TPST1: variants seen among roughly 807,000 people sequenced by gnomAD.
TPST1 encodes protein-tyrosine sulfotransferase 1.
In TPST1, 20 loss-of-function variants were observed where a neutral mutation model predicts 34.8. The observed-to-expected ratio is 0.57, with a 90% CI of 0.40 to 0.84. The LOEUF (loss-of-function observed/expected upper bound fraction) is 0.84. TPST1 is among the 40% of genes least tolerant of loss of function. TPST1 has a pLI of 0.00. For missense variants in TPST1, 353 were observed against 455.5 expected (o/e 0.78, Z 2.05); for synonymous variants, 152 against 159.4 (o/e 0.95, Z 0.35).
chr7:66,293,066 C>T (rs1403767221), intron 3 of TPST1, among the ~76,000 whole-genome samples: 4 of 151,912 alleles, frequency 2.6e-5, no homozygotes, highest in South Asian at 4.2e-4. Context: ...ATTAGCCAGG[C>T]GTGGTGGTGG....
At chr7:66,324,532 T>G (rs1791821313) in intron 3 of TPST1, among the ~76,000 whole-genome samples, 1 of 151,950 alleles carries the variant, frequency 6.6e-6, no homozygotes, top group African/African-American at 2.4e-5. Flanking sequence ...TTCGGCTGGG[T>G]GCAGTGGCTC....
At position 66,330,451 on chromosome 7, in the gene TPST1, G is replaced by C. The variant is rs576125626; in HGVS notation, c.1045-22054G>C. Among the ~76,000 whole-genome samples, 9 of 152,208 alleles carry C rather than the reference G, an allele frequency of 5.9e-5. No individual in the cohort carries two copies. In the East Asian group the frequency reaches 1.7e-3, roughly 29 times the overall value. On this transcript the variant is annotated intron_variant, in intron 3 of 5. Transcript: ENST00000304842. ...AAACCATCTTTCCCTCAATTTCTCT[G>C]TCCTCTTACATCTTATTGTAAACAC...
intron 3 of TPST1, among the ~76,000 whole-genome samples, chr7:66,309,299 A>C (rs1172490733): frequency 6.6e-6 from 1 of 152,236 alleles, no homozygotes. Flanking sequence ...CCAGGTGAGG[A>C]AATTGTTAGA....
In TPST1 at chr7:66,209,364, G is replaced by T. The variant is rs117660432; in HGVS notation, c.-102+3842G>T. ...GCATAATGAGCAATGAGGCTGGGAA[G>T]GTATATGGGAGCCGCTCATGAATGA... is the stretch of plus-strand genomic sequence containing the variant. On this transcript the variant is annotated intron_variant, in intron 1 of 5. Transcript: ENST00000304842. Among the ~76,000 whole-genome samples, 185 of 152,328 alleles carry T rather than the reference G, an allele frequency of 1.2e-3. 5 individuals carry two copies. The East Asian group carries it at 0.032, about 26-fold the overall frequency.
intron 3 of TPST1, among the ~76,000 whole-genome samples, chr7:66,303,321 A>C (rs185982325): frequency 6.6e-6 from 1 of 152,018 alleles, no homozygotes; most frequent in Non-Finnish European, 1.5e-5. Context: ...AAAAGTAATG[A>C]TATGGGAGCA....
intron 2 of TPST1, among the ~76,000 whole-genome samples, chr7:66,258,784 C>T (rs903018465): frequency 2.0e-5 from 3 of 152,140 alleles, no homozygotes; most frequent in African/African-American, 7.2e-5. Flanking sequence ...GTGGTCTTTC[C>T]CAATTATTTT....
At chr7:66,252,786 C>A (rs1029189838) in intron 2 of TPST1, among the ~76,000 whole-genome samples, 4 of 151,962 alleles carry the variant, frequency 2.6e-5, no homozygotes, top group African/African-American at 9.7e-5. Context: ...TAAAAAAATT[C>A]TTCCATACTC....
chr7:66,305,870 A>C (rs570476842), intron 3 of TPST1, among the ~76,000 whole-genome samples: 1 of 152,346 alleles, frequency 6.6e-6, no homozygotes, highest in South Asian at 2.1e-4. Flanking sequence ...CATTTCACTT[A>C]AGTTGTCAAA....
At position 66,271,058 on chromosome 7, in the gene TPST1, G is replaced by T. The variant is rs1229998432; in HGVS notation, c.846-15453G>T. On this transcript the variant is annotated intron_variant, in intron 2 of 5. Coordinates refer to ENST00000304842, the MANE Select transcript of TPST1 (RefSeq NM_003596.4). ...TACTTGATTCTTTTGCTTTTTTGGG[G>T]CCAGTTTTCAAGATAATGGTTTGGT... 2.0e-5 allele frequency among the ~76,000 whole-genome samples: 3 copies of T among 151,976 alleles called. No homozygotes were observed. The East Asian group carries it at 5.8e-4, about 29-fold the overall frequency.
At chr7:66,276,251 C>G (rs573661471) in intron 2 of TPST1, among the ~76,000 whole-genome samples, 88 of 150,524 alleles carry the variant, frequency 5.8e-4, no homozygotes, top group African/African-American at 2.1e-3. Context: ...GCTGTGTTCC[C>G]TTTGATTCTC....
At chr7:66,250,617 C>T (rs1350534375) in intron 2 of TPST1, among the ~76,000 whole-genome samples, 3 of 152,022 alleles carry the variant, frequency 2.0e-5, no homozygotes, top group African/African-American at 4.8e-5. Context: ...GTTCCAAGAC[C>T]CCAGTGGATG....
At chr7:66,303,298 A>G (rs1791354490) in intron 3 of TPST1, among the ~76,000 whole-genome samples, 1 of 151,998 alleles carries the variant, frequency 6.6e-6, no homozygotes, top group Admixed American at 6.6e-5. Flanking sequence ...CTTCAACAGA[A>G]TAAGATAGTT....
chr7:66,210,990 C>T (rs554247435), intron 1 of TPST1, among the ~76,000 whole-genome samples: 7 of 152,054 alleles, frequency 4.6e-5, no homozygotes, highest in Non-Finnish European at 8.8e-5. Context: ...CACACGCGCG[C>T]GCACACACAC....
chr7:66,355,808 G>A (rs1364176734), intron 4 of TPST1, among the ~76,000 whole-genome samples: 1 of 151,428 alleles, frequency 6.6e-6, no homozygotes, highest in Non-Finnish European at 1.5e-5. Flanking sequence ...CTGAGGCTGA[G>A]GCAGGAGAAT....
chr7:66,228,659 C>A (rs1219653392), intron 1 of TPST1, among the ~76,000 whole-genome samples: 2 of 152,104 alleles, frequency 1.3e-5, no homozygotes, highest in Admixed American at 1.3e-4. Context: ...TTGCTTTGTT[C>A]AGATTTTAAA....
chr7:66,277,596 T>G (rs541841758), intron 2 of TPST1, among the ~76,000 whole-genome samples: 43 of 152,272 alleles, frequency 2.8e-4, no homozygotes, highest in African/African-American at 9.9e-4. Flanking sequence ...TTTTTTCTAT[T>G]TGGATGATCT....
At chr7:66,240,039 G>T (rs939693011) in intron 1 of TPST1, among the ~76,000 whole-genome samples, 2 of 151,810 alleles carry the variant, frequency 1.3e-5, no homozygotes, top group Admixed American at 6.6e-5. Context: ...CCGCCACCAT[G>T]CCCAGCTAAT....
intron 3 of TPST1, among the ~76,000 whole-genome samples, chr7:66,294,928 C>T (rs544215920): frequency 1.7e-4 from 26 of 152,076 alleles, no homozygotes; most frequent in Non-Finnish European, 3.2e-4. Flanking sequence ...AGTTATAAAC[C>T]TTCATAGAAG....
At chr7:66,256,884 C>T (rs1790392885) in intron 2 of TPST1, among the ~76,000 whole-genome samples, 1 of 152,188 alleles carries the variant, frequency 6.6e-6, no homozygotes, top group South Asian at 2.1e-4. Flanking sequence ...GTTACAGCAT[C>T]AGCTCAAAGT....
Sources: gnomAD v4.1 joint callset for allele counts (sites outside exome capture counted in the v4.1 genomes callset) on GRCh38, gnomAD v4.1.1 for gene constraint, MANE v1.5 for transcripts, NCBI Gene and HGNC (gene_info 2026-07-23, HGNC 2026-07-21) for gene names.